Variants in GALNT13 observed in about 807,000 individuals in gnomAD.
GALNT13 encodes UDP-GalNAc:polypeptide N-acetylgalactosaminyltransferase 13.
A neutral mutation model predicts 64.2 loss-of-function variants in GALNT13; 28 were observed. That is an observed-to-expected ratio of 0.44 (90% CI 0.32 to 0.60). The LOEUF is 0.60. GALNT13 is among the 20% of genes least tolerant of loss of function. GALNT13 has a pLI of 0.05. For missense variants in GALNT13, 577 were observed against 669.8 expected, an observed-to-expected ratio of 0.86 and a Z score of 1.53; for synonymous variants, 214 against 224.6, an observed-to-expected ratio of 0.95 and a Z score of 0.42.
chr2:153,674,102 T>C, the GALNT13 span, among the ~76,000 whole-genome samples: 2 of 152,118 alleles, frequency 1.3e-5, no homozygotes, highest in Admixed American at 1.3e-4. Flanking sequence ...GGAAGAGTCA[T>C]TATTGTGAAA....
intron 4 of GALNT13, among the ~76,000 whole-genome samples, chr2:154,148,690 T>G (rs1683776920): frequency 1.3e-5 from 2 of 152,228 alleles, no homozygotes; most frequent in South Asian, 4.1e-4. Context: ...TGGTGAGCAT[T>G]TTTTCATGTG....
At chr2:153,284,160 T>C in the GALNT13 span, among the ~76,000 whole-genome samples, 2 of 152,280 alleles carry the variant, frequency 1.3e-5, no homozygotes, top group African/African-American at 2.4e-5. Context: ...AAGAGAGCCC[T>C]ACTGCACCAC....
At chr2:153,536,130 C>G in the GALNT13 span, among the ~76,000 whole-genome samples, 1 of 152,158 alleles carries the variant, frequency 6.6e-6, no homozygotes, top group Non-Finnish European at 1.5e-5. Flanking sequence ...TTCCTTTTCT[C>G]CTCCTCCTGC....
intron 3 of GALNT13, among the ~76,000 whole-genome samples, chr2:153,988,595 G>T (rs998376317): frequency 1.3e-5 from 2 of 151,766 alleles, no homozygotes; most frequent in African/African-American, 2.4e-5. Flanking sequence ...GGTTGATCAT[G>T]GACCATAAGT....
intron 9 of GALNT13, among the ~76,000 whole-genome samples, chr2:154,337,932 G>A (rs1252111003): frequency 6.6e-6 from 1 of 151,910 alleles, no homozygotes; most frequent in Admixed American, 6.6e-5. Flanking sequence ...GTGGGTGATG[G>A]CAGCAAGCAA....
the GALNT13 span, among the ~76,000 whole-genome samples, chr2:153,320,867 T>C: frequency 6.6e-6 from 1 of 152,224 alleles, no homozygotes; most frequent in African/African-American, 2.4e-5. Flanking sequence ...ATATTTCTAA[T>C]CTTCATTAAA....
chr2:154,352,165 G>A (rs1369131779), intron 9 of GALNT13, among the ~76,000 whole-genome samples: 1 of 152,156 alleles, frequency 6.6e-6, no homozygotes, highest in Non-Finnish European at 1.5e-5. Context: ...ATAAGTTGAA[G>A]TTAAAGGAAA....
chr2:153,907,095 T>G (rs1688617547), intron 2 of GALNT13, among the ~76,000 whole-genome samples: 1 of 151,980 alleles, frequency 6.6e-6, no homozygotes, highest in South Asian at 2.1e-4. Context: ...ATGGGGTTGT[T>G]TGTTTTTTTC....
chr2:153,661,554 A>G, the GALNT13 span, among the ~76,000 whole-genome samples: 1 of 152,150 alleles, frequency 6.6e-6, no homozygotes, highest in African/African-American at 2.4e-5. Context: ...TCCAAACACC[A>G]TCTAAATAAT....
At chr2:153,154,663 A>G in the GALNT13 span, among the ~76,000 whole-genome samples, 431 of 152,276 alleles carry the variant, frequency 2.8e-3, 7 homozygotes, top group African/African-American at 0.01. Flanking sequence ...TTCTAGATAT[A>G]GGATCACGCT....
intron 3 of GALNT13, among the ~76,000 whole-genome samples, chr2:153,956,554 A>T (rs1483470580): frequency 1.3e-5 from 2 of 152,130 alleles, no homozygotes; most frequent in Non-Finnish European, 2.9e-5. Context: ...GCAAGAATTT[A>T]CTATACGAGA....
At chr2:153,775,636 T>C in the GALNT13 span, among the ~76,000 whole-genome samples, 1 of 152,254 alleles carries the variant, frequency 6.6e-6, no homozygotes, top group African/African-American at 2.4e-5. Flanking sequence ...AAGTCTAATA[T>C]CTTTTTCATC....
chr2:154,011,230 T>C (rs2882017), intron 3 of GALNT13, among the ~76,000 whole-genome samples: 116,460 of 151,966 alleles, frequency 0.77, 45,015 homozygotes, highest in East Asian at 0.96. Flanking sequence ...TGTAGCTTTC[T>C]TCTTAATGCT....
At chr2:153,432,511 T>G in the GALNT13 span, among the ~76,000 whole-genome samples, 6 of 152,262 alleles carry the variant, frequency 3.9e-5, no homozygotes, top group South Asian at 1.2e-3. Context: ...GGAAATAAAT[T>G]CATTTCTTCA....
intron 4 of GALNT13, among the ~76,000 whole-genome samples, chr2:154,163,072 G>C (rs886369447): frequency 2.5e-4 from 37 of 150,682 alleles, no homozygotes; most frequent in African/African-American, 8.6e-4. Context: ...ATGTTGGTGT[G>C]TTGCACCCAT....
rs1026927711 is a variant in GALNT13, at chr2:153,988,182, T to C, written c.142+43543T>C. Among the ~76,000 whole-genome samples, 5 of 151,830 alleles carry C rather than the reference T, an allele frequency of 3.3e-5. No individual in the cohort carries two copies. The Admixed American group carries it at 3.3e-4, about 10-fold the overall frequency. ...CTATCATGTTTTATGGTAAAACATT[T>C]GTAATTTACTCACCTGGTTATCTTG... On this transcript the variant is annotated intron_variant, in intron 3 of 12. Transcript: ENST00000392825.
At chr2:153,172,384 G>T in the GALNT13 span, among the ~76,000 whole-genome samples, 4 of 152,108 alleles carry the variant, frequency 2.6e-5, no homozygotes, top group African/African-American at 9.7e-5. Context: ...GTTAGGGTGG[G>T]GAGCTTGCCA....
At chr2:153,806,831 A>C in the GALNT13 span, among the ~76,000 whole-genome samples, 1 of 152,280 alleles carries the variant, frequency 6.6e-6, no homozygotes, top group East Asian at 1.9e-4. Context: ...GGGAACCTGT[A>C]GATGAAAGGA....
chr2:153,866,428 AT>A, the GALNT13 span, among the ~76,000 whole-genome samples: 13 of 151,972 alleles, frequency 8.6e-5, no homozygotes, highest in Non-Finnish European at 1.3e-4. Flanking sequence ...AAATAAATCT[AT>A]TTTTTTTGCT....
Sources: gnomAD v4.1 joint callset for allele counts (sites outside exome capture counted in the v4.1 genomes callset) on GRCh38, gnomAD v4.1.1 for gene constraint, MANE v1.5 for transcripts, NCBI Gene and HGNC (gene_info 2026-07-23, HGNC 2026-07-21) for gene names.